The following CNTN5 variants were observed in gnomAD, a reference collection of about 807,000 sequenced individuals.
The protein encoded by CNTN5 is contactin-5.
A neutral mutation model predicts 129.1 loss-of-function variants in CNTN5; 77 were observed. The ratio of observed to expected loss-of-function variants is 0.60; its 90% CI spans 0.50 to 0.72. The LOEUF is 0.72. Ranked by LOEUF, CNTN5 falls within the 30% of genes least tolerant of loss-of-function variation. CNTN5 has a pLI of 0.00. For synonymous variants in CNTN5, 509 were observed against 465.6 expected, an observed-to-expected ratio of 1.09 and a Z score of -1.20; for missense variants, 1,478 against 1,328.8, an observed-to-expected ratio of 1.11 and a Z score of -1.75.
chr11:100,005,490 G>A (rs12287931), intron 9 of CNTN5, among the ~76,000 whole-genome samples: 56,829 of 151,948 alleles, frequency 0.37, 12,027 homozygotes, highest in African/African-American at 0.57. Context: ...TTCTTAATGA[G>A]CTTTTAAGTG....
intron 16 of CNTN5, among the ~76,000 whole-genome samples, chr11:100,232,853 C>T: frequency 6.6e-6 from 1 of 152,136 alleles, no homozygotes. Context: ...TAATAATAAA[C>T]ATAGCTAACA....
intron 1 of CNTN5, among the ~76,000 whole-genome samples, chr11:99,298,699 A>T (rs1366037638): frequency 6.6e-6 from 1 of 152,172 alleles, no homozygotes; most frequent in East Asian, 1.9e-4. Flanking sequence ...CTGCCATTTT[A>T]AGTTCCCCTT....
At chr11:99,204,380 T>A (rs181018560) in intron 1 of CNTN5, among the ~76,000 whole-genome samples, 205 of 152,290 alleles carry the variant, frequency 1.3e-3, no homozygotes, top group African/African-American at 4.8e-3. Flanking sequence ...TACGTGTGAC[T>A]AAAGAAAATG....
intron 1 of CNTN5, among the ~76,000 whole-genome samples, chr11:99,279,146 A>C (rs1409340874): frequency 3.3e-5 from 5 of 151,754 alleles, no homozygotes; most frequent in Non-Finnish European, 5.9e-5. Flanking sequence ...CACTGAATAC[A>C]TTTCGGTTAT....
At chr11:99,314,594 A>G (rs929753744) in intron 1 of CNTN5, among the ~76,000 whole-genome samples, 40 of 152,104 alleles carry the variant, frequency 2.6e-4, no homozygotes, top group Non-Finnish European at 4.0e-4. Context: ...CCGGATTGAA[A>G]GGAAAAATGC....
chr11:99,340,528 G>A (rs1381678966), intron 2 of CNTN5, among the ~76,000 whole-genome samples: 1 of 152,158 alleles, frequency 6.6e-6, no homozygotes, highest in Non-Finnish European at 1.5e-5. Context: ...AGGAGGAAAT[G>A]AAAAGCCATG....
chr11:99,115,389 T>C (rs573799653), intron 1 of CNTN5, among the ~76,000 whole-genome samples: 9 of 152,334 alleles, frequency 5.9e-5, no homozygotes, highest in African/African-American at 2.2e-4. Context: ...ACATATAGTA[T>C]ACATTTTTAA....
intron 1 of CNTN5, among the ~76,000 whole-genome samples, chr11:99,187,745 A>AT (rs1464627981): frequency 6.6e-6 from 1 of 151,884 alleles, no homozygotes; most frequent in Non-Finnish European, 1.5e-5. Context: ...TTTTTGTGTG[A>AT]TATCACTATG....
Position 99,845,269 on chromosome 11 carries a change from A to G in CNTN5, c.577+7A>G. 2 of 1,590,790 alleles carry G rather than the reference A, an allele frequency of 1.3e-6. No homozygotes were observed. The highest frequency in any genetic ancestry group is 2.2e-5 in the East Asian group (1 of 44,696). ...GCTACACTGCAGTTTGCCTGTGAGTAAAATATATGATTTTTCTATATATAT... is the reference window on the plus strand; with the variant it reads ...GCTACACTGCAGTTTGCCTGTGAGTGAAATATATGATTTTTCTATATATAT... On this transcript the variant is annotated splice_region_variant and intron_variant, in intron 6 of 24. Coordinates refer to ENST00000524871, the MANE Select transcript of CNTN5 (RefSeq NM_014361.4).
intron 3 of CNTN5, among the ~76,000 whole-genome samples, chr11:99,653,843 T>C (rs1466634353): frequency 3.9e-5 from 6 of 152,028 alleles, no homozygotes; most frequent in Non-Finnish European, 8.8e-5. Context: ...AACAGAGTAA[T>C]TTTATAGAAT....
chr11:99,633,124 A>C (rs763715266), intron 3 of CNTN5, among the ~76,000 whole-genome samples: 15 of 152,228 alleles, frequency 9.9e-5, no homozygotes, highest in Admixed American at 2.6e-4. Context: ...ACTCTCCTCC[A>C]AGTAAGTGGC....
At chr11:99,732,896 A>C (rs1943580698) in intron 3 of CNTN5, among the ~76,000 whole-genome samples, 1 of 152,206 alleles carries the variant, frequency 6.6e-6, no homozygotes, top group Non-Finnish European at 1.5e-5. Context: ...TGCATGTATT[A>C]GATGTATAGA....
At chr11:99,125,135 T>C (rs1177505369) in intron 1 of CNTN5, among the ~76,000 whole-genome samples, 1 of 152,066 alleles carries the variant, frequency 6.6e-6, no homozygotes, top group East Asian at 1.9e-4. Flanking sequence ...ATTATCCTGA[T>C]ACCAAAACCT....
chr11:99,300,624 G>T (rs1047153136), intron 1 of CNTN5, among the ~76,000 whole-genome samples: 11 of 151,878 alleles, frequency 7.2e-5, no homozygotes. Flanking sequence ...TTTGTATTCA[G>T]CCATGCTCTC....
Position 99,221,228 on chromosome 11 carries a change from AT to A in CNTN5, c.-209-104114del, listed in dbSNP as rs1860382809. ...ATGAATCACTCTATATTTTTTAATA[AT>A]TTTAATTTGACTTTGAAAGGATTTA... On this transcript the variant is annotated intron_variant, in intron 1 of 24. Transcript: ENST00000524871. Among the ~76,000 whole-genome samples the A allele has an allele frequency of 2.0e-5, 3 of 152,036 alleles. No individual in the cohort carries two copies. In the South Asian group the frequency reaches 6.2e-4, roughly 31 times the overall value.
intron 3 of CNTN5, among the ~76,000 whole-genome samples, chr11:99,584,314 A>C (rs998997117): frequency 1.3e-5 from 2 of 152,180 alleles, no homozygotes; most frequent in Non-Finnish European, 2.9e-5. Context: ...CTAGCTCACC[A>C]TACTTATTCA....
chr11:99,416,849 G>C (rs1220462610), intron 2 of CNTN5, among the ~76,000 whole-genome samples: 2 of 152,138 alleles, frequency 1.3e-5, no homozygotes, highest in African/African-American at 4.8e-5. Context: ...TTTGTAAATA[G>C]CTGTGTCTTA....
intron 1 of CNTN5, among the ~76,000 whole-genome samples, chr11:99,291,734 C>T (rs1237238757): frequency 6.6e-6 from 1 of 151,926 alleles, no homozygotes; most frequent in Admixed American, 6.6e-5. Context: ...CAGAAAAGAT[C>T]TGTTTTGAAT....
intron 1 of CNTN5, among the ~76,000 whole-genome samples, chr11:99,082,325 C>T (rs1229806807): frequency 1.3e-5 from 2 of 151,958 alleles, no homozygotes; most frequent in Admixed American, 6.6e-5. Context: ...GCTGGGACTA[C>T]AGGCGCATGC....
Sources: gnomAD v4.1 joint callset for allele counts (sites outside exome capture counted in the v4.1 genomes callset) on GRCh38, gnomAD v4.1.1 for gene constraint, MANE v1.5 for transcripts, NCBI Gene and HGNC (gene_info 2026-07-23, HGNC 2026-07-21) for gene names.